Variants in MTFR1 observed in about 807,000 individuals in gnomAD.
The protein encoded by MTFR1 is mitochondrial fission regulator 1, also known as chondrocyte protein with a poly-proline region.
In MTFR1, 28 loss-of-function variants were observed where a neutral mutation model predicts 38.8. The ratio of observed to expected loss-of-function variants is 0.72; its 90% CI spans 0.53 to 0.99. The LOEUF is 0.99. MTFR1 is among the 50% of genes least tolerant of loss of function. The pLI, the probability that MTFR1 is intolerant of heterozygous loss-of-function variation, is 0.00. For missense variants in MTFR1, 358 were observed against 395.5 expected, an observed-to-expected ratio of 0.91 and a Z score of 0.81; for synonymous variants, 145 against 137.0, an observed-to-expected ratio of 1.06 and a Z score of -0.41.
intron 1 of MTFR1, among the ~76,000 whole-genome samples, chr8:65,662,917 G>GC (rs1031943968): frequency 2.7e-5 from 4 of 150,552 alleles, no homozygotes; most frequent in Admixed American, 2.0e-4. Context: ...GGGGGGGTCA[G>GC]CCCCCCGCCT....
rs776145119 is a variant in MTFR1 at position 65,704,807 on chromosome 8, C to A, written c.395C>A (p.Thr132Asn). 3 of 1,614,008 alleles carry A rather than the reference C, an allele frequency of 1.9e-6. No individual in the cohort carries two copies. The highest frequency in any genetic ancestry group is 1.3e-5 in the African/African-American group (1 of 74,912). The change falls in exon 5 of 8, where the codon ACC (threonine) becomes AAC (asparagine). Residue 132 changes from threonine to asparagine, a missense_variant. Coordinates refer to ENST00000262146, the MANE Select transcript of MTFR1 (RefSeq NM_014637.4). ...DLSQEEPQLKTPALANEEALQ... is the reference protein window; with the variant it reads ...DLSQEEPQLKNPALANEEALQ... ...TCTCAAGAAGAGCCTCAGCTGAAGA[C>A]CCCAGCGCTGGCAAATGAGGAAGCA...
At chr8:65,702,614 G>A (rs1805649991) in intron 4 of MTFR1, among the ~76,000 whole-genome samples, 1 of 151,514 alleles carries the variant, frequency 6.6e-6, no homozygotes, top group Non-Finnish European at 1.5e-5. Context: ...TTTTTTCCCT[G>A]GATTCTAGGA....
At chr8:65,721,351 A>G (rs1328101377) in intron 3 of MTFR1, among the ~76,000 whole-genome samples, 3 of 152,180 alleles carry the variant, frequency 2.0e-5, no homozygotes, top group South Asian at 2.1e-4. Context: ...TACTGCCCCT[A>G]TGTTGGGGAG....
chr8:65,747,709 A>G, intron 3 of MTFR1: 1 of 1,611,982 alleles, frequency 6.2e-7, no homozygotes, highest in Non-Finnish European at 8.5e-7. Context: ...AAACCGCAGT[A>G]CCACGAAAAA....
At chr8:65,747,678 C>G (rs1304821465) in intron 3 of MTFR1, 3 of 1,609,766 alleles carry the variant, frequency 1.9e-6, no homozygotes, top group Non-Finnish European at 2.5e-6. Context: ...TAATCATCAT[C>G]TAAAATGTTT....
At chr8:65,723,150 T>C (rs1165484118) in intron 3 of MTFR1, 2 of 154,344 alleles carry the variant, frequency 1.3e-5, no homozygotes, top group Non-Finnish European at 2.9e-5. Context: ...GGTCTTCGTA[T>C]TATGATCAGG....
chr8:65,647,385 T>C (rs1343066899), intron 1 of MTFR1, among the ~76,000 whole-genome samples: 1 of 152,232 alleles, frequency 6.6e-6, no homozygotes, highest in African/African-American at 2.4e-5. Context: ...TGATCTCTGC[T>C]CACTGCAACC....
At chr8:65,692,909 C>T (rs565666217) in intron 3 of MTFR1, among the ~76,000 whole-genome samples, 3 of 140,586 alleles carry the variant, frequency 2.1e-5, no homozygotes, top group South Asian at 2.3e-4. Context: ...TTTTTTTTTA[C>T]CCCCGAGACA....
intron 3 of MTFR1, among the ~76,000 whole-genome samples, chr8:65,691,673 C>T (rs754403376): frequency 4.0e-5 from 6 of 151,242 alleles, no homozygotes; most frequent in Non-Finnish European, 7.4e-5. Context: ...TTTTTGTGAC[C>T]GAGTCTTGCT....
At chr8:65,661,518 T>C (rs1218707005) in intron 1 of MTFR1, among the ~76,000 whole-genome samples, 2 of 151,940 alleles carry the variant, frequency 1.3e-5, no homozygotes, top group Middle Eastern at 3.2e-3. Context: ...ATGCCTGTAA[T>C]ACCAGCTATT....
chr8:65,661,814 A>G (rs1373073450), intron 1 of MTFR1, among the ~76,000 whole-genome samples: 1 of 151,864 alleles, frequency 6.6e-6, no homozygotes, highest in Non-Finnish European at 1.5e-5. Context: ...AAATATCAAA[A>G]TTAGCCAGGC....
At position 65,653,738 on chromosome 8, in the gene MTFR1, A is replaced by T. The variant is rs1302354514; in HGVS notation, c.-81+8954A>T. ...TGTTTTTACTTTTTAGATTTCAGTTATTTAATTTAGAAAATGTTACTAGTC... is the reference window on the plus strand; with the variant it reads ...TGTTTTTACTTTTTAGATTTCAGTTTTTTAATTTAGAAAATGTTACTAGTC... On this transcript the variant is annotated intron_variant, in intron 1 of 7. Transcript: ENST00000262146. Among the ~76,000 whole-genome samples the T allele has an allele frequency of 2.6e-5, 4 of 152,094 alleles. No individual in the cohort carries two copies. In the East Asian group the frequency reaches 7.7e-4, roughly 29 times the overall value.
exon 3 of MTFR1, chr8:65,719,462 G>T (rs780220336): frequency 6.2e-7 from 1 of 1,613,806 alleles, no homozygotes; most frequent in Non-Finnish European, 8.5e-7. Flanking sequence ...GGCCCATTCT[G>T]TAAATAAAGG....
chr8:65,773,023 G>A (rs1288242833), downstream of MTFR1, among the ~76,000 whole-genome samples: 2 of 151,886 alleles, frequency 1.3e-5, no homozygotes, highest in East Asian at 3.9e-4. Flanking sequence ...AAAAAATTAA[G>A]AAAAAGTTTT....
At chr8:65,674,348 A>C (rs1339992787) in intron 2 of MTFR1, among the ~76,000 whole-genome samples, 1 of 148,484 alleles carries the variant, frequency 6.7e-6, no homozygotes, top group Non-Finnish European at 1.5e-5. Flanking sequence ...ACGGTGGTTC[A>C]TGCCTGTAAT....
intron 2 of MTFR1, among the ~76,000 whole-genome samples, chr8:65,680,741 G>T (rs1804854071): frequency 6.6e-6 from 1 of 151,990 alleles, no homozygotes; most frequent in Non-Finnish European, 1.5e-5. Context: ...TTCATACTCA[G>T]CTGATTTGGT....
At chr8:65,761,110 A>G (rs1808473377) in intron 3 of MTFR1, among the ~76,000 whole-genome samples, 2 of 151,324 alleles carry the variant, frequency 1.3e-5, no homozygotes, top group Admixed American at 1.3e-4. Flanking sequence ...CGTAGGCTAG[A>G]GTGCAGTGGC....
chr8:65,644,576 C>G (rs1351621066), upstream of MTFR1, among the ~76,000 whole-genome samples: 2 of 152,242 alleles, frequency 1.3e-5, no homozygotes, highest in East Asian at 3.8e-4. Context: ...GTGCGCACAC[C>G]GACTGTGACT....
At chr8:65,670,464 C>G (rs1241757966) in intron 2 of MTFR1, among the ~76,000 whole-genome samples, 13 of 152,040 alleles carry the variant, frequency 8.6e-5, no homozygotes, top group Admixed American at 7.9e-4. Context: ...AAAAAAGTTA[C>G]TATAATGATT....
Sources: allele counts gnomAD v4.1 joint callset (sites outside exome capture counted in the v4.1 genomes callset), GRCh38; gene constraint gnomAD v4.1.1; transcripts MANE v1.5; gene names NCBI Gene and HGNC (gene_info 2026-07-23, HGNC 2026-07-21).